The following RBFOX3 variants were observed in gnomAD, a reference collection of about 807,000 sequenced individuals.
The protein encoded by RBFOX3 is RNA binding protein fox-1 homolog 3.
In RBFOX3, 17 loss-of-function variants were observed where a neutral mutation model predicts 48.7. The observed-to-expected ratio is 0.35, with a 90% confidence interval of 0.24 to 0.52. The LOEUF (loss-of-function observed/expected upper bound fraction) is 0.52, where lower values mean the gene tolerates loss of function less well. Ranked by LOEUF, RBFOX3 falls within the 20% of genes least tolerant of loss-of-function variation. The pLI is 0.94. For synonymous variants in RBFOX3, 212 were observed against 209.5 expected (o/e 1.01, Z -0.10); for missense variants, 382 against 497.5 (o/e 0.77, Z 2.21).
intron 5 of RBFOX3, among the ~76,000 whole-genome samples, 156 bp downstream of exon 5, chr17:79,115,338 G>A (rs2033594944): frequency 6.6e-6 from 1 of 152,192 alleles, no homozygotes; most frequent in Non-Finnish European, 1.5e-5. Flanking sequence ...TTCTGGCCCA[G>A]GAGCCCCGTA....
At position 79,459,465 on chromosome 17, in the gene RBFOX3, C is replaced by T. The variant is rs112192429; in HGVS notation, c.-175+22989G>A. On this transcript the variant is annotated intron_variant, in intron 2 of 14. Coordinates refer to ENST00000693108, the MANE Select transcript of RBFOX3 (RefSeq NM_001350451.2). ...CCAGATGGTACAGAGCACAGTGGGG[C>T]GGATGGCACTGGGCAACGTCCTGCC... 1.3e-3 allele frequency among the ~76,000 whole-genome samples: 203 copies of T among 152,236 alleles called. 2 individuals are homozygous for T. The highest frequency in any genetic ancestry group is 4.7e-3 in the African/African-American group (194 of 41,534).
intron 3 of RBFOX3, among the ~76,000 whole-genome samples, chr17:79,253,041 GT>G (rs1197393837): frequency 6.6e-6 from 1 of 152,210 alleles, no homozygotes. Flanking sequence ...GGGTGGTGCT[GT>G]GTGGGAAGGG....
intron 1 of RBFOX3, among the ~76,000 whole-genome samples, chr17:79,607,540 C>T (rs2145487273): frequency 6.6e-6 from 1 of 152,306 alleles, no homozygotes; most frequent in East Asian, 1.9e-4. Context: ...ACCACTCTGG[C>T]GCTTCTGGGA....
intron 1 of RBFOX3, among the ~76,000 whole-genome samples, chr17:79,579,685 ACCATGGTGGGGAAGTCACTGGCG>A (rs2092983030): frequency 5.3e-5 from 8 of 151,588 alleles, no homozygotes; most frequent in Non-Finnish European, 7.4e-5. Context: ...GAGACTCGGC[ACCATGGTGGGGAAGTCACTGGCG>A]CCATGGTGGG....
At chr17:79,216,043 C>T (rs906360720) in intron 4 of RBFOX3, among the ~76,000 whole-genome samples, 41 of 152,354 alleles carry the variant, frequency 2.7e-4, no homozygotes, top group African/African-American at 9.1e-4. Context: ...AGCACTTGTC[C>T]CCTGCCCCCA....
At chr17:79,408,127 G>T (rs927108515) in intron 2 of RBFOX3, among the ~76,000 whole-genome samples, 1 of 152,258 alleles carries the variant, frequency 6.6e-6, no homozygotes. Flanking sequence ...TCTGTGAAGT[G>T]GGGGGAGAAG....
chr17:79,664,121 G>A, the RBFOX3 span, among the ~76,000 whole-genome samples: 2 of 152,048 alleles, frequency 1.3e-5, no homozygotes, highest in African/African-American at 4.8e-5. Context: ...AGAACAGTTG[G>A]GAATACTCTG....
At chr17:79,145,236 G>A (rs989853032) in intron 4 of RBFOX3, among the ~76,000 whole-genome samples, 4 of 152,182 alleles carry the variant, frequency 2.6e-5, no homozygotes, top group South Asian at 2.1e-4. Context: ...CGTCCTATCC[G>A]AGTGTGCACC....
At chr17:79,283,247 T>C (rs2071018956) in intron 3 of RBFOX3, among the ~76,000 whole-genome samples, 1 of 149,300 alleles carries the variant, frequency 6.7e-6, no homozygotes, top group South Asian at 2.1e-4. Context: ...GCTAAGGTAA[T>C]ATTCCTATGT....
chr17:79,375,510 G>A (rs542139797), intron 2 of RBFOX3, among the ~76,000 whole-genome samples: 2 of 152,312 alleles, frequency 1.3e-5, no homozygotes, highest in South Asian at 4.1e-4. Flanking sequence ...GCAGGGTGAC[G>A]TGCTGGGCTC....
At chr17:79,222,664 C>T (rs1437418099) in intron 4 of RBFOX3, among the ~76,000 whole-genome samples, 1 of 152,240 alleles carries the variant, frequency 6.6e-6, no homozygotes, top group South Asian at 2.1e-4. Flanking sequence ...TGAGCCCCTC[C>T]TCCATGTCCC....
intron 2 of RBFOX3, among the ~76,000 whole-genome samples, chr17:79,346,546 CT>C (rs372185058): frequency 1.5e-3 from 235 of 152,286 alleles, no homozygotes; most frequent in African/African-American, 5.5e-3. Flanking sequence ...GAAGTATCTC[CT>C]TCATGCTCTG....
intron 3 of RBFOX3, among the ~76,000 whole-genome samples, chr17:79,276,412 G>A (rs1433829583): frequency 1.3e-5 from 2 of 152,198 alleles, no homozygotes; most frequent in African/African-American, 2.4e-5. Context: ...TTGACCAGGC[G>A]CGGTGGTTCA....
At chr17:79,255,227 G>C (rs2064603248) in intron 3 of RBFOX3, among the ~76,000 whole-genome samples, 2 of 131,940 alleles carry the variant, frequency 1.5e-5, no homozygotes, top group South Asian at 4.5e-4. Flanking sequence ...GTGTGCGTGT[G>C]TGTGTGTGTG....
At chr17:79,138,648 CACATACACA>C (rs2040865944) in intron 4 of RBFOX3, among the ~76,000 whole-genome samples, 1 of 117,554 alleles carries the variant, frequency 8.5e-6, no homozygotes, top group African/African-American at 3.0e-5. Flanking sequence ...CCCACACACG[CACATACACA>C]GCACATGCAT....
chr17:79,234,472 C>A (rs935816347), intron 4 of RBFOX3: 3 of 152,164 alleles, frequency 2.0e-5, no homozygotes, highest in African/African-American at 4.8e-5. Context: ...CTGAAGAAGA[C>A]TTCATACGCT....
intron 4 of RBFOX3, among the ~76,000 whole-genome samples, chr17:79,144,813 G>A (rs1363561408): frequency 6.6e-6 from 1 of 152,216 alleles, no homozygotes; most frequent in African/African-American, 2.4e-5. Context: ...AGCCTGAAGT[G>A]TAGATGTGTC....
At chr17:79,663,099 C>T in the RBFOX3 span, among the ~76,000 whole-genome samples, 1 of 152,156 alleles carries the variant, frequency 6.6e-6, no homozygotes, top group African/African-American at 2.4e-5. Flanking sequence ...CATTGATTAG[C>T]CACTAATTAG....
At chr17:79,278,704 C>T (rs1046039337) in intron 3 of RBFOX3, among the ~76,000 whole-genome samples, 2 of 152,358 alleles carry the variant, frequency 1.3e-5, no homozygotes, top group East Asian at 3.9e-4. Context: ...GAAAGGCACC[C>T]CTGACTTAAG....
Sources: allele counts gnomAD v4.1 joint callset (sites outside exome capture counted in the v4.1 genomes callset), GRCh38; gene constraint gnomAD v4.1.1; transcripts MANE v1.5; gene names NCBI Gene and HGNC (gene_info 2026-07-23, HGNC 2026-07-21).